The following PITRM1 variants were observed in gnomAD, a reference collection of about 807,000 sequenced individuals.
PITRM1 encodes the protein pitrilysin metallopeptidase 1.
In PITRM1, 100 loss-of-function variants were observed where a neutral mutation model predicts 129.9. The observed-to-expected ratio is 0.77, with a 90% CI of 0.65 to 0.91. The LOEUF is 0.91. PITRM1 is among the 40% of genes least tolerant of loss of function. PITRM1 has a pLI of 0.00. For synonymous variants in PITRM1, 591 were observed against 508.8 expected, an observed-to-expected ratio of 1.16 and a Z score of -2.17; for missense variants, 1,471 against 1,318.3, an observed-to-expected ratio of 1.12 and a Z score of -1.79.
intron 1 of PITRM1, among the ~76,000 whole-genome samples, chr10:3,171,679 T>G (rs1234372817): frequency 6.6e-6 from 1 of 152,216 alleles, no homozygotes; most frequent in Non-Finnish European, 1.5e-5. Flanking sequence ...CCTCAAGTGG[T>G]CTGCCCGCCT....
At chr10:3,168,091 C>G (rs1305426238) in intron 2 of PITRM1, 1 of 152,304 alleles carries the variant, frequency 6.6e-6, no homozygotes, top group African/African-American at 2.4e-5. Flanking sequence ...CACCACACCA[C>G]TCACCACCCC....
rs73579017 is a variant in PITRM1, at chr10:3,150,611, G to A, written c.1738+636C>T. Among the ~76,000 whole-genome samples the A allele has an allele frequency of 8.2e-3, 1,256 of 152,256 alleles. 12 individuals carry two copies. Among genetic ancestry groups the A allele is most frequent in the African/African-American group, 0.029 (1,185 of 41,540 alleles). ...TGGTAAGCTCAGCATCAACACTGTCGCAGGTGAGGTTACCCCAAAGGTGCC... is the reference window on the plus strand; with the variant it reads ...TGGTAAGCTCAGCATCAACACTGTCACAGGTGAGGTTACCCCAAAGGTGCC... On this transcript the variant is annotated intron_variant, in intron 15 of 26. Coordinates refer to ENST00000224949, the MANE Select transcript of PITRM1 (RefSeq NM_014889.4).
intron 7 of PITRM1, 140 bp from the exon 8 acceptor site, chr10:3,160,470 C>T: frequency 1.5e-6 from 1 of 651,432 alleles, no homozygotes; most frequent in South Asian, 2.0e-5. Context: ...CCTTACTCAA[C>T]CAAGGTCCAA....
chr10:3,147,877 C>T, intron 18 of PITRM1, 110 bp downstream of exon 18: 1 of 1,197,186 alleles, frequency 8.4e-7, no homozygotes, highest in Non-Finnish European at 1.2e-6. Context: ...AAGTAAAAGT[C>T]AGACTTGGAA....
intron 19 of PITRM1, 51 bp from the exon 20 acceptor site, chr10:3,147,301 G>T (rs370328557): frequency 2.4e-5 from 32 of 1,332,268 alleles, no homozygotes; most frequent in Non-Finnish European, 3.3e-5. Context: ...CAACAGACCC[G>T]CTGAGTCTGA....
chr10:3,143,718 T>C (rs555659633), intron 22 of PITRM1: 31 of 704,856 alleles, frequency 4.4e-5, no homozygotes, highest in South Asian at 3.2e-4. Context: ...TCCACACAAT[T>C]TCTCACTGTA....
intron 14 of PITRM1, among the ~76,000 whole-genome samples, chr10:3,152,055 G>C (rs1841572523): frequency 6.6e-6 from 1 of 152,054 alleles, no homozygotes; most frequent in African/African-American, 2.4e-5. Flanking sequence ...CCCTATACTT[G>C]TTTTCTATTG....
chr10:3,166,251 G>A lies in PITRM1; in HGVS notation c.396C>T (p.Ser132=). The A allele has an allele frequency of 1.2e-6, 2 of 1,612,830 alleles. No individual in the cohort carries two copies. Among genetic ancestry groups the A allele is most frequent in the South Asian group, 1.1e-5 (1 of 90,946 alleles). ...PFFKMLNRSL[S]TFMNAFTASD... ...TACCTGTGAAGGCGTTCATGAACGT[G>A]GAGAGGGACCGGTTCAACATTTTGA... Residue 132 remains serine (S), a synonymous_variant, in exon 4 of 27, where the codon TCC becomes TCT. Transcript: ENST00000224949.
chr10:3,172,740 A>T lies in PITRM1; in HGVS notation c.33T>A (p.Cys11Ter). Residue 11 changes from cysteine to a stop codon, truncating the protein, a stop_gained, in exon 1 of 27, where the codon TGT becomes TGA. Coordinates refer to ENST00000224949, the MANE Select transcript of PITRM1 (RefSeq NM_014889.4). LOFTEE classifies it high-confidence loss of function. Reference protein sequence around the residue: MWRCGGRQGLCVLRRLSGGHA... With the variant: MWRCGGRQGL The stretch of plus-strand genomic sequence containing the variant: ...ACCCGCCGCTCAGCCGCCTCAGCAC[A>T]CACAGGCCCTGCCGCCCGCCGCAGC... The T allele has an allele frequency of 1.3e-6, 2 of 1,545,504 alleles. No individual in the cohort carries two copies. Among genetic ancestry groups the T allele is most frequent in the Non-Finnish European group, 1.7e-6 (2 of 1,145,318 alleles).
Position 3,145,985 on chromosome 10 carries a change from C to A in PITRM1, c.2337-269G>T, listed in dbSNP as rs1004615772. Reference sequence around the variant, plus strand: ...TCTAAACTCTAGTTCTTCTGAAGAGCAAAGAAAATACAGAGACTATTAAGA... The same window carrying A: ...TCTAAACTCTAGTTCTTCTGAAGAGAAAAGAAAATACAGAGACTATTAAGA... On this transcript the variant is annotated intron_variant, in intron 20 of 26. Coordinates refer to ENST00000224949, the MANE Select transcript of PITRM1 (RefSeq NM_014889.4). The A allele has an allele frequency of 1.6e-5, 7 of 425,342 alleles. No homozygotes were observed. The East Asian group carries it at 2.4e-4, about 15-fold the overall frequency. 26.3% of individuals were successfully genotyped at this position (425,342 alleles called of 1,614,324 possible). A position where few individuals can be genotyped will look rare whatever the true frequency, so the allele number is the denominator to read the frequency against.
intron 8 of PITRM1, 34 bp from the exon 9 acceptor site, chr10:3,159,970 G>T (rs1413104240): frequency 2.1e-6 from 3 of 1,450,470 alleles, no homozygotes; most frequent in African/African-American, 1.4e-5. Context: ...AGTAGGCACA[G>T]TGTCTGACGG....
Position 3,158,914 on chromosome 10 carries a change from C to T in PITRM1, c.1136G>A (p.Gly379Glu), listed in dbSNP as rs1274736354. 1.2e-6 allele frequency: 2 copies of T among 1,612,246 alleles called. No homozygotes were observed. Among genetic ancestry groups the T allele is most frequent in the Non-Finnish European group, 1.7e-6 (2 of 1,179,188 alleles). ...TGATCTAATCTAATCATAAACTCAC[C>T]CAACATCAGGAGAAAAGTCTGTGCC... ...GLGTDFSPDV[G>E]YNGYTREAYF... The change falls in exon 10 of 27, where the codon GGA becomes GAA. Residue 379 changes from glycine to glutamate, a missense_variant and splice_region_variant. Gly to Glu is a moderately conservative substitution (Grantham distance 98). Coordinates refer to ENST00000224949, the MANE Select transcript of PITRM1 (RefSeq NM_014889.4).
chr10:3,161,394 A>G (rs1378464676), intron 7 of PITRM1, among the ~76,000 whole-genome samples: 1 of 152,236 alleles, frequency 6.6e-6, no homozygotes, highest in East Asian at 1.9e-4. Flanking sequence ...AAAAGGTTAC[A>G]ATGACAGAAT....
At chr10:3,148,445 C>CTCT (rs751481835) in intron 16 of PITRM1, 154 bp from the exon 17 acceptor site, 108 of 917,234 alleles carry the variant, frequency 1.2e-4, no homozygotes, top group Non-Finnish European at 1.1e-4. Flanking sequence ...AGCAGGTGCA[C>CTCT]TCTGGCCTTC....
At chr10:3,162,157 TTAA>T (rs371015342) in intron 7 of PITRM1, among the ~76,000 whole-genome samples, 54,545 of 131,692 alleles carry the variant, frequency 0.41, 10,760 homozygotes, top group South Asian at 0.45. Flanking sequence ...GACCCTGTCT[TTAA>T]AAAAAAAAAA....
At chr10:3,167,600 TGTGCCTCA>T (rs1373052674) in intron 2 of PITRM1, among the ~76,000 whole-genome samples, 1 of 152,244 alleles carries the variant, frequency 6.6e-6, no homozygotes, top group Non-Finnish European at 1.5e-5. Context: ...TTTTGTGTGC[TGTGCCTCA>T]GTAACACAGC....
intron 14 of PITRM1, among the ~76,000 whole-genome samples, 186 bp downstream of exon 14, chr10:3,155,405 C>T (rs1475220214): frequency 6.6e-6 from 1 of 152,180 alleles, no homozygotes; most frequent in Non-Finnish European, 1.5e-5. Flanking sequence ...CCTGCGTTTC[C>T]TACTGAGCTA....
Position 3,137,944 on chromosome 10 carries a change from G to C in PITRM1, c.*87C>G. On this transcript the variant is annotated 3_prime_UTR_variant, in exon 27 of 27. Coordinates refer to ENST00000224949, the MANE Select transcript of PITRM1 (RefSeq NM_014889.4). ...CGACACTCAATGACATAATATTCTT[G>C]GAAAAAGCAGTAGCATTTCTGACTT... is the stretch of plus-strand genomic sequence containing the variant. The C allele has an allele frequency of 1.3e-6, 1 of 783,992 alleles. No homozygotes were observed. Among genetic ancestry groups the C allele is most frequent in the South Asian group, 1.7e-5 (1 of 58,478 alleles). 48.6% of individuals were successfully genotyped at this position (783,992 alleles called of 1,614,324 possible).
At chr10:3,164,665 A>G (rs1842717873) in intron 6 of PITRM1, among the ~76,000 whole-genome samples, 1 of 152,186 alleles carries the variant, frequency 6.6e-6, no homozygotes, top group Non-Finnish European at 1.5e-5. Flanking sequence ...GTGTGTGTTT[A>G]TATAATTTTT....
Sources: allele counts gnomAD v4.1 joint callset (sites outside exome capture counted in the v4.1 genomes callset), GRCh38; gene constraint gnomAD v4.1.1; transcripts MANE v1.5; gene names NCBI Gene and HGNC (gene_info 2026-07-23, HGNC 2026-07-21).